RBM33: variants seen among roughly 807,000 people sequenced by gnomAD.
RBM33 encodes the protein RNA binding motif protein 33, also known as RNA-binding protein 33.
RBM33 carries 28 observed loss-of-function variants against 132.6 expected under a neutral mutation model. That is an observed-to-expected ratio of 0.21 (90% confidence interval 0.16 to 0.29). The LOEUF (loss-of-function observed/expected upper bound fraction) is 0.29. Among genes scored for constraint, RBM33 ranks in the 10% least tolerant of loss-of-function variants. The pLI, the probability that RBM33 is intolerant of heterozygous loss-of-function variation, is 1.00. For missense variants in RBM33, 1,291 were observed against 1,518.5 expected, an observed-to-expected ratio of 0.85 and a Z score of 2.49; for synonymous variants, 634 against 593.0, an observed-to-expected ratio of 1.07 and a Z score of -1.01.
intron 16 of RBM33, among the ~76,000 whole-genome samples, chr7:155,769,857 T>C (rs1398432084): frequency 6.6e-6 from 1 of 152,218 alleles, no homozygotes; most frequent in Non-Finnish European, 1.5e-5. Flanking sequence ...AGAACAGATG[T>C]GTGTGGGCAC....
intron 1 of RBM33, among the ~76,000 whole-genome samples, chr7:155,648,232 A>C (rs988011878): frequency 6.6e-6 from 1 of 152,220 alleles, no homozygotes; most frequent in African/African-American, 2.4e-5. Flanking sequence ...GTATATTTCA[A>C]ACAAATCCTA....
intron 8 of RBM33, among the ~76,000 whole-genome samples, chr7:155,716,180 A>G (rs534838413): frequency 5.3e-5 from 8 of 152,286 alleles, no homozygotes; most frequent in African/African-American, 1.9e-4. Flanking sequence ...TGGCAGGGAG[A>G]GCCCGCAGAC....
chr7:155,753,636 C>T (rs1285403700), intron 14 of RBM33, among the ~76,000 whole-genome samples: 1 of 152,192 alleles, frequency 6.6e-6, no homozygotes, highest in African/African-American at 2.4e-5. Flanking sequence ...AAGGGCAGAG[C>T]TGCAGGTGGA....
At chr7:155,648,144 T>C (rs1365962214) in intron 1 of RBM33, among the ~76,000 whole-genome samples, 1 of 152,174 alleles carries the variant, frequency 6.6e-6, no homozygotes, top group Non-Finnish European at 1.5e-5. Flanking sequence ...CATCCAGTAG[T>C]AGAATAATGA....
chr7:155,722,129 T>C lies in RBM33; in HGVS notation c.1260+3686T>C, dbSNP rs1383149109. On this transcript the variant is annotated intron_variant, in intron 9 of 17. Transcript: ENST00000401878. ...TAGTTCTGAACTCTGAAACTTTTTT[T>C]CTTCTGATTGTAAAACATATTTCCG... is the stretch of plus-strand genomic sequence containing the variant. 3.3e-5 allele frequency among the ~76,000 whole-genome samples: 5 copies of C among 152,220 alleles called. No individual in the cohort carries two copies. The East Asian group carries it at 9.6e-4, about 29-fold the overall frequency.
chr7:155,693,290 G>C (rs1055813010), intron 5 of RBM33, among the ~76,000 whole-genome samples: 1 of 151,932 alleles, frequency 6.6e-6, no homozygotes, highest in African/African-American at 2.4e-5. Context: ...GGAAGGCAAA[G>C]AGCTAGAAGT....
intron 5 of RBM33, among the ~76,000 whole-genome samples, chr7:155,685,939 C>G (rs981977999): frequency 2.6e-5 from 4 of 152,164 alleles, no homozygotes; most frequent in Non-Finnish European, 5.9e-5. Context: ...TTTTCCCCCC[C>G]AGTATGAATA....
chr7:155,689,326 T>C (rs997150496), intron 5 of RBM33, among the ~76,000 whole-genome samples: 1 of 152,228 alleles, frequency 6.6e-6, no homozygotes, highest in African/African-American at 2.4e-5. Context: ...ATATCCGCTT[T>C]ATCATTTTTT....
intron 9 of RBM33, among the ~76,000 whole-genome samples, chr7:155,721,601 T>C (rs147323668): frequency 6.6e-6 from 1 of 152,292 alleles, no homozygotes; most frequent in African/African-American, 2.4e-5. Context: ...TATGATACAT[T>C]TGCTATTTAT....
At chr7:155,673,940 G>GTTGTTGTTTGTTTGTTTTTTTTT in intron 3 of RBM33, among the ~76,000 whole-genome samples, 4 of 54,214 alleles carry the variant, frequency 7.4e-5, no homozygotes, top group East Asian at 6.7e-4. Context: ...TTTAGGCTTA[G>GTTGTTGTTTGTTTGTTTTTTTTT]TTTTTTTTTT....
At chr7:155,754,197 TAGC>T (rs1480291418) in intron 14 of RBM33, among the ~76,000 whole-genome samples, 1 of 152,166 alleles carries the variant, frequency 6.6e-6, no homozygotes, top group Non-Finnish European at 1.5e-5. Context: ...GGAGTAAAAT[TAGC>T]AGGTGAGTCA....
At chr7:155,680,281 A>G (rs1413503568) in intron 4 of RBM33, among the ~76,000 whole-genome samples, 1 of 152,190 alleles carries the variant, frequency 6.6e-6, no homozygotes, top group Admixed American at 6.5e-5. Flanking sequence ...GATGTGTTTC[A>G]TCTGTGGTTG....
At chr7:155,645,888 C>T (rs1217740982) in intron 1 of RBM33, among the ~76,000 whole-genome samples, 3 of 152,200 alleles carry the variant, frequency 2.0e-5, no homozygotes, top group East Asian at 1.9e-4. Context: ...TTTGGCCCAA[C>T]TGTCAAAACG....
Position 155,745,425 on chromosome 7 carries a change from A to C in RBM33, c.2802A>C (p.Lys934Asn). 6.2e-7 allele frequency: 1 copy of C among 1,613,880 alleles called. No individual in the cohort carries two copies. Residue 934 changes from lysine (K) to asparagine (N), a missense_variant, in exon 14 of 18, where the codon AAA (lysine) becomes AAC (asparagine). Around this residue, in one of 7 missense-constraint regions of RBM33, gnomAD observed 841 missense variants for 912.0 expected, o/e 0.92. Transcript: ENST00000401878. The surrounding 1 kb of genome is among the most constrained non-coding windows in gnomAD (Gnocchi z 4.1). ...CGCTGCATAAAGTGCTCCCGATCAAACCTGCAGATGTGGAGGAGCCAGCTG... is the reference window on the plus strand; with the variant it reads ...CGCTGCATAAAGTGCTCCCGATCAACCCTGCAGATGTGGAGGAGCCAGCTG... Reference protein sequence around the residue: ...TQPLHKVLPIKPADVEEPAVP... With the variant: ...TQPLHKVLPINPADVEEPAVP...
intron 2 of RBM33, among the ~76,000 whole-genome samples, chr7:155,668,849 T>C (rs1798869202): frequency 6.6e-6 from 1 of 152,204 alleles, no homozygotes; most frequent in African/African-American, 2.4e-5. Flanking sequence ...GTGGTTACAT[T>C]GCCTGATATT....
At chr7:155,753,412 T>G (rs947308216) in intron 14 of RBM33, among the ~76,000 whole-genome samples, 25 of 152,200 alleles carry the variant, frequency 1.6e-4, no homozygotes, top group African/African-American at 6.0e-4. Context: ...ACCTTGTGAG[T>G]GTCATTCAGG....
chr7:155,773,552 T>C (rs1802502323), intron 16 of RBM33, among the ~76,000 whole-genome samples: 1 of 114,194 alleles, frequency 8.8e-6, no homozygotes, highest in Non-Finnish European at 1.6e-5. Context: ...CAGGCAACAG[T>C]GCGAGACTCC....
intron 1 of RBM33, among the ~76,000 whole-genome samples, chr7:155,660,313 G>A (rs1175432210): frequency 3.9e-5 from 6 of 152,176 alleles, no homozygotes; most frequent in South Asian, 4.1e-4. Flanking sequence ...GGCCTCAAGC[G>A]ACTACCTTGG....
chr7:155,740,288 G>C (rs750030949), intron 12 of RBM33, among the ~76,000 whole-genome samples: 3 of 152,152 alleles, frequency 2.0e-5, no homozygotes, highest in Non-Finnish European at 4.4e-5. Context: ...CTTGTATCTA[G>C]ATATTTCTAT....
Sources: gnomAD v4.1 joint callset for allele counts (sites outside exome capture counted in the v4.1 genomes callset) on GRCh38, gnomAD v4.1.1 for gene constraint, gnomAD v4.1.1 regional missense constraint, Gnocchi (gnomAD v3.1) non-coding constraint, MANE v1.5 for transcripts, NCBI Gene and HGNC (gene_info 2026-07-23, HGNC 2026-07-21) for gene names.